Variants in PPM1L observed in about 807,000 individuals in gnomAD.
PPM1L encodes the protein protein phosphatase 1L.
In PPM1L, 13 loss-of-function variants were observed where a neutral mutation model predicts 31.4. That is an observed-to-expected ratio of 0.41 (90% CI 0.27 to 0.66). The LOEUF is 0.66. PPM1L is among the 30% of genes least tolerant of loss of function. The probability of loss-of-function intolerance (pLI) is 0.29; values close to 1 mark genes in which losing one functional copy is unlikely to be tolerated. For missense variants in PPM1L, 326 were observed against 453.7 expected (o/e 0.72, Z 2.56); for synonymous variants, 184 against 175.4 (o/e 1.05, Z -0.39).
At chr3:160,836,443 G>A (rs754265003) in intron 1 of PPM1L, among the ~76,000 whole-genome samples, 1 of 152,122 alleles carries the variant, frequency 6.6e-6, no homozygotes, top group South Asian at 2.1e-4. Flanking sequence ...TAGCAAGAAG[G>A]CTCTTGTGCT....
At chr3:160,817,094 A>G (rs1713020266) in intron 1 of PPM1L, among the ~76,000 whole-genome samples, 1 of 152,118 alleles carries the variant, frequency 6.6e-6, no homozygotes, top group Non-Finnish European at 1.5e-5. Context: ...GAAAGAGAAC[A>G]AAAAGGAAGC....
At chr3:161,032,352 C>T (rs765926915) in intron 2 of PPM1L, among the ~76,000 whole-genome samples, 1 of 152,178 alleles carries the variant, frequency 6.6e-6, no homozygotes, top group Non-Finnish European at 1.5e-5. Context: ...CAAGGGCTGT[C>T]TTTACACATA....
At chr3:161,007,188 A>C (rs554869850) in intron 2 of PPM1L, among the ~76,000 whole-genome samples, 85 of 152,316 alleles carry the variant, frequency 5.6e-4, no homozygotes, top group Non-Finnish European at 4.0e-4. Context: ...ACAACAAGTA[A>C]ACATATAGTC....
chr3:160,793,176 C>T (rs530406404), intron 1 of PPM1L, among the ~76,000 whole-genome samples: 84 of 152,278 alleles, frequency 5.5e-4, no homozygotes, highest in African/African-American at 1.9e-3. Context: ...GGAAGGAAGT[C>T]ACTACATGCT....
At chr3:160,861,629 G>T (rs1179943178) in intron 1 of PPM1L, among the ~76,000 whole-genome samples, 1 of 152,014 alleles carries the variant, frequency 6.6e-6, no homozygotes, top group African/African-American at 2.4e-5. Context: ...TGTATGTATT[G>T]ATGATGGTAT....
intron 2 of PPM1L, among the ~76,000 whole-genome samples, chr3:161,033,853 C>G (rs1411287396): frequency 6.6e-6 from 1 of 152,094 alleles, no homozygotes; most frequent in Non-Finnish European, 1.5e-5. Context: ...AGATATAATT[C>G]AACTAAAGAG....
chr3:160,761,410 A>G (rs1714964435), intron 1 of PPM1L, among the ~76,000 whole-genome samples: 2 of 152,302 alleles, frequency 1.3e-5, no homozygotes, highest in African/African-American at 4.8e-5. Context: ...TGTTGAGGAA[A>G]TCATTTATTA....
chr3:160,894,784 G>C (rs1184101820), intron 1 of PPM1L, among the ~76,000 whole-genome samples: 1 of 152,126 alleles, frequency 6.6e-6, no homozygotes, highest in Non-Finnish European at 1.5e-5. Flanking sequence ...TCCATAAAAA[G>C]TATACTCAGT....
chr3:160,846,396 G>T (rs1159621577), intron 1 of PPM1L, among the ~76,000 whole-genome samples: 3 of 151,960 alleles, frequency 2.0e-5, no homozygotes, highest in Non-Finnish European at 2.9e-5. Flanking sequence ...TTTCTGTCTT[G>T]GGAAATCTCT....
chr3:160,809,803 G>A (rs1307752918), intron 1 of PPM1L, among the ~76,000 whole-genome samples: 1 of 151,992 alleles, frequency 6.6e-6, no homozygotes, highest in Non-Finnish European at 1.5e-5. Flanking sequence ...CTGTGTTTTG[G>A]TACTTTTTTG....
At chr3:161,067,105 G>T (rs1286489637) in intron 3 of PPM1L, among the ~76,000 whole-genome samples, 1 of 152,134 alleles carries the variant, frequency 6.6e-6, no homozygotes, top group Non-Finnish European at 1.5e-5. Flanking sequence ...GACACAGTTA[G>T]CTCAGTCTTG....
At chr3:160,913,061 G>A (rs1714029173) in intron 1 of PPM1L, among the ~76,000 whole-genome samples, 1 of 152,088 alleles carries the variant, frequency 6.6e-6, no homozygotes, top group Admixed American at 6.6e-5. Flanking sequence ...ATGCCCTGTG[G>A]ACAAAATCCA....
chr3:161,011,211 A>G (rs1425000843), intron 2 of PPM1L, among the ~76,000 whole-genome samples: 4 of 152,220 alleles, frequency 2.6e-5, no homozygotes, highest in African/African-American at 4.8e-5. Flanking sequence ...TAAGGAAGGT[A>G]TCCAGTTTCA....
Position 160,796,744 on chromosome 3 carries a change from A to G in PPM1L, c.399+40037A>G, listed in dbSNP as rs1165497613. On this transcript the variant is annotated intron_variant, in intron 1 of 3. Transcript: ENST00000498165. ...TCTCTGAGTCTCATCTGTGAAACAG[A>G]TGTATAAATTGGTGTGAAACGCCTA... Among the ~76,000 whole-genome samples the G allele has an allele frequency of 2.0e-5, 3 of 152,336 alleles. No individual in the cohort carries two copies. In the East Asian group the frequency reaches 5.8e-4, roughly 29 times the overall value.
rs59524935 is a variant in PPM1L at position 160,827,447 on chromosome 3, T to TTGTGTGTGTGTG, written c.399+70766_399+70777dup. 8.2e-3 allele frequency among the ~76,000 whole-genome samples: 1,166 copies of TTGTGTGTGTGTG among 141,408 alleles called. 13 individuals carry two copies. Among genetic ancestry groups the TTGTGTGTGTGTG allele is most frequent in the Middle Eastern group, 0.029 (8 of 276 alleles). 92.8% of individuals were successfully genotyped at this position (141,408 alleles called of 152,430 possible). ...ATTGGGAAAGTGTTTTGATATAAGT[T>TTGTGTGTGTGTG]TGTGTGTGTGTGTGTGTGTGTGTGT... On this transcript the variant is annotated intron_variant, in intron 1 of 3. Transcript: ENST00000498165.
In PPM1L at chr3:160,971,811, T is replaced by A. The variant is rs1228027977; in HGVS notation, c.574+9901T>A. ...CAGGGTCTCACCCTGTTGCCCAGGC[T>A]GGAGTGCCGTGGCATGATCTTAGCT... On this transcript the variant is annotated intron_variant, in intron 2 of 3. Coordinates refer to ENST00000498165, the MANE Select transcript of PPM1L (RefSeq NM_139245.4). Among the ~76,000 whole-genome samples the A allele has an allele frequency of 3.3e-5, 5 of 152,226 alleles. No homozygotes were observed. In the East Asian group the frequency reaches 5.8e-4, roughly 18 times the overall value.
chr3:160,779,385 C>A (rs1377593894), intron 1 of PPM1L, among the ~76,000 whole-genome samples: 4 of 152,160 alleles, frequency 2.6e-5, no homozygotes, highest in South Asian at 2.1e-4. Context: ...CAAATAACTT[C>A]TACACCCTGA....
At chr3:161,068,593 T>C (rs1421396242) in intron 3 of PPM1L, among the ~76,000 whole-genome samples, 1 of 152,202 alleles carries the variant, frequency 6.6e-6, no homozygotes, top group Non-Finnish European at 1.5e-5. Context: ...TGATATATTA[T>C]TGAAATCCTT....
At chr3:160,912,998 A>G (rs186700480) in intron 1 of PPM1L, among the ~76,000 whole-genome samples, 1 of 152,190 alleles carries the variant, frequency 6.6e-6, no homozygotes, top group East Asian at 1.9e-4. Flanking sequence ...GTGGCATTAC[A>G]TACTGTGATG....
Sources: gnomAD v4.1 joint callset for allele counts (sites outside exome capture counted in the v4.1 genomes callset) on GRCh38, gnomAD v4.1.1 for gene constraint, MANE v1.5 for transcripts, NCBI Gene and HGNC (gene_info 2026-07-23, HGNC 2026-07-21) for gene names.